The following CHMP4A variants were observed in gnomAD, a reference collection of about 807,000 sequenced individuals.
CHMP4A encodes charged multivesicular body protein 4A, also known as SNF7 homolog associated with Alix-2.
A neutral mutation model predicts 28.2 loss-of-function variants in CHMP4A; 29 were observed. That is an observed-to-expected ratio of 1.03 (90% CI 0.77 to 1.40). CHMP4A has a LOEUF of 1.40. Ranked by LOEUF, CHMP4A falls within the 40% of genes most tolerant of loss-of-function variation. CHMP4A has a pLI of 0.00. For missense variants in CHMP4A, 241 were observed against 263.5 expected (o/e 0.91, Z 0.59); for synonymous variants, 88 against 99.3 (o/e 0.89, Z 0.67).
chr14:24,209,952 A>G lies in CHMP4A; in HGVS notation c.611-17T>C. The G allele has an allele frequency of 6.2e-7, 1 of 1,612,498 alleles. No individual in the cohort carries two copies. Among genetic ancestry groups the G allele is most frequent in the Non-Finnish European group, 8.5e-7 (1 of 1,178,558 alleles). ...CTTTGGGAGCTTTGAGGACAAAGAT[A>G]CCCAGAGAAAAGAAAGGAGAAGCAG... On this transcript the variant is annotated splice_polypyrimidine_tract_variant and intron_variant, in intron 5 of 5. Coordinates refer to ENST00000347519, the MANE Select transcript of CHMP4A (RefSeq NM_014169.5).
At chr14:24,211,205 C>G in intron 3 of CHMP4A, 1 of 518,650 alleles carries the variant, frequency 1.9e-6, no homozygotes, top group Non-Finnish European at 3.4e-6. Flanking sequence ...CAAAACAAAA[C>G]AAAAAAAGAA....
rs2039583739 is a variant in CHMP4A at position 24,210,664 on chromosome 14, T to G, written c.464A>C (p.Asp155Ala). 6.2e-7 allele frequency: 1 copy of G among 1,613,296 alleles called. No individual in the cohort carries two copies. The highest frequency in any genetic ancestry group is 1.6e-4 in the Middle Eastern group (1 of 6,062). Reference sequence around the variant, plus strand: ...TTCACCCCCAATCACCTCATCCACATCATCTCCAAAGCCCATAGGCCGAGA... The same window carrying G: ...TTCACCCCCAATCACCTCATCCACAGCATCTCCAAAGCCCATAGGCCGAGA... Reference protein sequence around the residue: ...AISRPMGFGDDVDEDELLEEL... With the variant: ...AISRPMGFGDAVDEDELLEEL... The change falls in exon 4 of 6, where the codon GAT becomes GCT. Residue 155 changes from aspartate (D) to alanine (A), a missense_variant. By Grantham distance (126) the Asp-to-Ala change is moderately radical. Transcript: ENST00000347519.
At chr14:24,213,260 C>A in intron 1 of CHMP4A, 149 bp downstream of exon 1, 1 of 970,996 alleles carries the variant, frequency 1.0e-6, no homozygotes, top group Non-Finnish European at 1.4e-6. Flanking sequence ...GAGCCTTGCT[C>A]CGCCATCGGC....
At position 24,209,819 on chromosome 14, in the gene CHMP4A, G is replaced by A; in HGVS notation, c.*58C>T. On this transcript the variant is annotated 3_prime_UTR_variant, in exon 6 of 6. Coordinates refer to ENST00000347519, the MANE Select transcript of CHMP4A (RefSeq NM_014169.5). ...GTTATCCTCCTTTAGCTCAGCACTT[G>A]GCACTTAAGGAAGAAAGGACCAACA... The A allele has an allele frequency of 6.7e-7, 1 of 1,498,984 alleles. No individual in the cohort carries two copies. The highest frequency in any genetic ancestry group is 2.3e-5 in the East Asian group (1 of 44,334). 92.9% of individuals were successfully genotyped at this position (1,498,984 alleles called of 1,614,324 possible). A position where few individuals can be genotyped will look rare whatever the true frequency, so the allele number is the denominator to read the frequency against.
chr14:24,210,013 AC>A, intron 5 of CHMP4A, 78 bp from the exon 6 acceptor site: 1 of 1,300,620 alleles, frequency 7.7e-7, no homozygotes, highest in Non-Finnish European at 1.1e-6. Context: ...CCCTGCTATG[AC>A]ATTCAGAGCC....
chr14:24,209,999 C>T, intron 5 of CHMP4A, 64 bp from the exon 6 acceptor site: 2 of 1,409,216 alleles, frequency 1.4e-6, no homozygotes, highest in Non-Finnish European at 2.0e-6. Flanking sequence ...CAACTCCAAC[C>T]ATCCCCTGCT....
At chr14:24,210,271 G>T in intron 5 of CHMP4A, 77 bp downstream of exon 5, 1 of 1,545,156 alleles carries the variant, frequency 6.5e-7, no homozygotes, top group Non-Finnish European at 8.8e-7. Flanking sequence ...TTTGAGGCAG[G>T]ATGGATGAGG....
In CHMP4A at chr14:24,213,483, ACTTC is replaced by A; in HGVS notation, c.-48_-45del. 1 of 1,612,748 alleles carries A rather than the reference ACTTC, an allele frequency of 6.2e-7. No individual in the cohort carries two copies. The highest frequency in any genetic ancestry group is 8.5e-7 in the Non-Finnish European group (1 of 1,179,556). On this transcript the variant is annotated 5_prime_UTR_variant, in exon 1 of 6. Coordinates refer to ENST00000347519, the MANE Select transcript of CHMP4A (RefSeq NM_014169.5). Reference sequence around the variant, plus strand: ...GCCTCCGCCCCTCAGCGTCCTCCAGACTTCCGCCTTGCTCCTGGGAGGGTGATGT... The same window carrying A: ...GCCTCCGCCCCTCAGCGTCCTCCAGACGCCTTGCTCCTGGGAGGGTGATGT...
chr14:24,212,577 T>A, intron 1 of CHMP4A: 1 of 399,712 alleles, frequency 2.5e-6, no homozygotes, highest in Admixed American at 2.7e-5. Flanking sequence ...TTTTTGAGAA[T>A]GGAGTCTCCC....
rs959358036 is a variant in CHMP4A at position 24,209,821 on chromosome 14, C to T, written c.*56G>A. 9.3e-6 allele frequency: 14 copies of T among 1,511,046 alleles called. No homozygotes were observed. The highest frequency in any genetic ancestry group is 1.3e-5 in the Non-Finnish European group (14 of 1,086,194). 93.6% of individuals were successfully genotyped at this position (1,511,046 alleles called of 1,614,324 possible). Reference sequence around the variant, plus strand: ...TATCCTCCTTTAGCTCAGCACTTGGCACTTAAGGAAGAAAGGACCAACAAA... The same window carrying T: ...TATCCTCCTTTAGCTCAGCACTTGGTACTTAAGGAAGAAAGGACCAACAAA... On this transcript the variant is annotated 3_prime_UTR_variant, in exon 6 of 6. Coordinates refer to ENST00000347519, the MANE Select transcript of CHMP4A (RefSeq NM_014169.5).
intron 5 of CHMP4A, 109 bp from the exon 6 acceptor site, chr14:24,210,044 A>G (rs1199022894): frequency 9.1e-6 from 10 of 1,097,132 alleles, no homozygotes; most frequent in South Asian, 1.3e-5. Context: ...CTGTCTCCCC[A>G]GCAAAAAACC....
Position 24,211,681 on chromosome 14 carries a change from T to G in CHMP4A, c.180A>C (p.Arg60Ser). ...CCATAGGCTTGTTTCCCTCATTACC[T>G]CTCTTATTCTTGGTCCCATACTTCT... is the stretch of plus-strand genomic sequence containing the variant. ...TAKKYGTKNK[R>S]AALQALRRKK... is the part of the protein sequence containing the mutation. Residue 60 changes from arginine (R) to serine (S), a missense_variant and splice_region_variant, in exon 2 of 6, where the codon AGA becomes AGC. Arg to Ser is a moderately radical substitution (Grantham distance 110). Coordinates refer to ENST00000347519, the MANE Select transcript of CHMP4A (RefSeq NM_014169.5). The G allele has an allele frequency of 6.2e-7, 1 of 1,613,772 alleles. No individual in the cohort carries two copies. The highest frequency in any genetic ancestry group is 8.5e-7 in the Non-Finnish European group (1 of 1,179,846).
At chr14:24,212,231 T>A (rs556148801) in intron 1 of CHMP4A, 1 of 164,760 alleles carries the variant, frequency 6.1e-6, no homozygotes, top group East Asian at 2.0e-4. Flanking sequence ...ATAGCTGGGA[T>A]CACAGGCATG....
intron 1 of CHMP4A, chr14:24,212,554 ATTTTTT>A: frequency 6.3e-6 from 2 of 315,618 alleles, no homozygotes; most frequent in South Asian, 4.9e-5. Flanking sequence ...TGCCCACCTA[ATTTTTT>A]TTTTTTTTTT....
Position 24,211,719 on chromosome 14 carries a change from G to C in CHMP4A, c.142C>G (p.Leu48Val). 4 of 1,614,118 alleles carry C rather than the reference G, an allele frequency of 2.5e-6. No individual in the cohort carries two copies. The highest frequency in any genetic ancestry group is 3.4e-6 in the Non-Finnish European group (4 of 1,180,018). Reference sequence around the variant, plus strand: ...GTCCCATACTTCTTGGCTGTTTGTAGCTCCTGTTGAATCTTCTGCTCCAAA... The same window carrying C: ...GTCCCATACTTCTTGGCTGTTTGTACCTCCTGTTGAATCTTCTGCTCCAAA... ...EFLEQKIQQE[L>V]QTAKKYGTKN... The change falls in exon 2 of 6, where the codon CTA becomes GTA. Residue 48 changes from leucine (L) to valine (V), a missense_variant. Physicochemically the swap from Leu to Val is conservative, Grantham distance 32. Transcript: ENST00000347519.
At chr14:24,211,224 G>A (rs2039588164) in intron 3 of CHMP4A, 191 bp downstream of exon 3, 1 of 531,604 alleles carries the variant, frequency 1.9e-6, no homozygotes, top group South Asian at 3.2e-5. Flanking sequence ...AATTAGAGAA[G>A]GCATCTTTCC....
At chr14:24,210,548 C>T in intron 4 of CHMP4A, 65 bp from the exon 5 acceptor site, 1 of 1,600,854 alleles carries the variant, frequency 6.2e-7, no homozygotes, top group Non-Finnish European at 8.5e-7. Context: ...AAACATACCA[C>T]TTTTGAAGTT....
At position 24,209,886 on chromosome 14, in the gene CHMP4A, C is replaced by G. The variant is rs1390856419; in HGVS notation, c.660G>C (p.Trp220Cys). 1.2e-6 allele frequency: 2 copies of G among 1,613,800 alleles called. No individual in the cohort carries two copies. Among genetic ancestry groups the G allele is most frequent in the African/African-American group, 1.3e-5 (1 of 74,894 alleles). Residue 220 changes from tryptophan to cysteine, a missense_variant, in exon 6 of 6, where the codon TGG (tryptophan) becomes TGC (cysteine). Coordinates refer to ENST00000347519, the MANE Select transcript of CHMP4A (RefSeq NM_014169.5). Reference sequence around the variant, plus strand: ...GACAAGCCCAGATTTATCAGGATACCCACTCAGCCAACTGCTTTAGTGCTT... The same window carrying G: ...GACAAGCCCAGATTTATCAGGATACGCACTCAGCCAACTGCTTTAGTGCTT... ...DEEALKQLAE[W>C]VS is the part of the protein sequence containing the mutation.
At chr14:24,213,364 G>A (rs372702436) in intron 1 of CHMP4A, 45 bp downstream of exon 1, 4 of 1,522,226 alleles carry the variant, frequency 2.6e-6, no homozygotes, top group Non-Finnish European at 3.5e-6. Flanking sequence ...CTCTTCCCCT[G>A]CACCAGCCAG....
Sources: allele counts gnomAD v4.1 joint callset, GRCh38; gene constraint gnomAD v4.1.1; transcripts MANE v1.5; gene names NCBI Gene and HGNC (gene_info 2026-07-23, HGNC 2026-07-21).